ZNF445: variants seen among roughly 807,000 people sequenced by gnomAD.
ZNF445 encodes the protein zinc finger protein 168.
In ZNF445, 19 loss-of-function variants were observed where a neutral mutation model predicts 93.9. The ratio of observed to expected loss-of-function variants is 0.20; its 90% CI spans 0.14 to 0.30. The LOEUF (loss-of-function observed/expected upper bound fraction) is 0.30. ZNF445 is among the 10% of genes least tolerant of loss of function. The probability of loss-of-function intolerance (pLI) is 1.00; values close to 1 mark genes in which losing one functional copy is unlikely to be tolerated. For synonymous variants in ZNF445, 449 were observed against 446.3 expected (o/e 1.01, Z -0.08); for missense variants, 1,058 against 1,259.4 (o/e 0.84, Z 2.42).
At chr3:44,449,364 G>A in intron 7 of ZNF445, 149 bp downstream of exon 7, 1 of 644,036 alleles carries the variant, frequency 1.6e-6, no homozygotes, top group Non-Finnish European at 2.7e-6. Context: ...GGATGGAAGA[G>A]ACCCAGTGGC....
intron 2 of ZNF445, among the ~76,000 whole-genome samples, chr3:44,457,574 T>C (rs894235956): frequency 6.6e-6 from 1 of 152,326 alleles, no homozygotes; most frequent in Admixed American, 6.5e-5. Flanking sequence ...CAATCGATTT[T>C]TGATAAAGAT....
chr3:44,448,365 C>G lies in ZNF445; in HGVS notation c.1306G>C (p.Gly436Arg). 1 of 1,614,206 alleles carries G rather than the reference C, an allele frequency of 6.2e-7. No individual in the cohort carries two copies. Among genetic ancestry groups the G allele is most frequent in the Middle Eastern group, 1.6e-4 (1 of 6,062 alleles). ...AAGCCCCCAATCATGTGTCTGAGCC[C>G]CTTCCCATATTTCTTGTAGTCATAG... Reference protein sequence around the residue: ...HHYDYKKYGKGLRHMIGGFSL... With the variant: ...HHYDYKKYGKRLRHMIGGFSL... Residue 436 changes from glycine (G) to arginine (R), a missense_variant, in exon 8 of 8, where the codon GGG (glycine) becomes CGG (arginine). Coordinates refer to ENST00000396077, the MANE Select transcript of ZNF445 (RefSeq NM_181489.6).
At chr3:44,476,503 G>C (rs1698358457) in intron 1 of ZNF445, among the ~76,000 whole-genome samples, 1 of 151,980 alleles carries the variant, frequency 6.6e-6, no homozygotes, top group African/African-American at 2.4e-5. Flanking sequence ...ACAACACATG[G>C]AGGCTCTCTG....
rs1268997696 is a variant in ZNF445 at position 44,447,188 on chromosome 3, T to A, written c.2483A>T (p.Asn828Ile). Residue 828 changes from asparagine (N) to isoleucine (I), a missense_variant, in exon 8 of 8, where the codon AAT (asparagine) becomes ATT (isoleucine). This residue lies in a region of ZNF445 where 387 missense variants were observed against 475.7 expected (regional missense o/e 0.81). Coordinates refer to ENST00000396077, the MANE Select transcript of ZNF445 (RefSeq NM_181489.6). This position sits in a 1 kb window ranked among gnomAD's most constrained non-coding sequence, Gnocchi z 4.7. ...ACCAGTGAGGATTTTTGGCTCCACA[T>A]TTGGAGTCTTTTCACTTTCATGGCA... ...YDCHESEKTP[N>I]VEPKILTGEK... 4.3e-6 allele frequency: 7 copies of A among 1,614,088 alleles called. No homozygotes were observed.
In ZNF445 at chr3:44,443,956, T is replaced by C. The variant is rs1697845156; in HGVS notation, c.*2619A>G. On this transcript the variant is annotated 3_prime_UTR_variant, in exon 8 of 8. Coordinates refer to ENST00000396077, the MANE Select transcript of ZNF445 (RefSeq NM_181489.6). ...GAGTTTGAGACCAGCATGAGCAACA[T>C]GGGAAAAAAAAATAAAAGTTTTGTC... is the stretch of plus-strand genomic sequence containing the variant. 1 of 150,816 alleles carries C rather than the reference T, an allele frequency of 6.6e-6. No individual in the cohort carries two copies. The highest frequency in any genetic ancestry group is 2.4e-5 in the African/African-American group (1 of 40,948). 9.3% of individuals were successfully genotyped at this position (150,816 alleles called of 1,614,324 possible). A position where few individuals can be genotyped will look rare whatever the true frequency, so the allele number is the denominator to read the frequency against.
At chr3:44,451,060 A>T (rs1196824144) in intron 4 of ZNF445, 98 bp from the exon 5 acceptor site, 1 of 1,112,692 alleles carries the variant, frequency 9.0e-7, no homozygotes, top group Non-Finnish European at 1.3e-6. Context: ...ACCCATGAGC[A>T]GGTACATAAT....
At chr3:44,471,754 G>C (rs1698272787) in intron 1 of ZNF445, among the ~76,000 whole-genome samples, 1 of 152,058 alleles carries the variant, frequency 6.6e-6, no homozygotes, top group African/African-American at 2.4e-5. Flanking sequence ...GGCAAGAAAA[G>C]AGCTACATTA....
At chr3:44,466,035 G>T (rs1698189246) in intron 1 of ZNF445, among the ~76,000 whole-genome samples, 1 of 152,170 alleles carries the variant, frequency 6.6e-6, no homozygotes, top group South Asian at 2.1e-4. Context: ...AATGTTAAAA[G>T]ATAATAAAAG....
chr3:44,458,804 C>G (rs1698067308), intron 1 of ZNF445, among the ~76,000 whole-genome samples: 1 of 152,134 alleles, frequency 6.6e-6, no homozygotes, highest in South Asian at 2.1e-4. Context: ...AATTCTCTGA[C>G]CTATTGTATC....
chr3:44,473,112 A>C lies in ZNF445; in HGVS notation c.-269+4479T>G, dbSNP rs143453766. Among the ~76,000 whole-genome samples the C allele has an allele frequency of 3.8e-3, 573 of 152,186 alleles. 7 individuals carry two copies. Among genetic ancestry groups the C allele is most frequent in the African/African-American group, 0.013 (545 of 41,544 alleles). On this transcript the variant is annotated intron_variant, in intron 1 of 7. Transcript: ENST00000396077. ...TTTCCTACCAGTGTAAGTGTATAGA[A>C]GGTATATAAACTGATATTAAGCAAA...
In ZNF445 at chr3:44,462,935, CT is replaced by C. The variant is rs376789680; in HGVS notation, c.-268-4572del. Among the ~76,000 whole-genome samples the C allele has an allele frequency of 4.8e-3, 703 of 145,722 alleles. 3 individuals carry two copies. The highest frequency in any genetic ancestry group is 0.015 in the Middle Eastern group (4 of 274). ...CAAGCTGTAGGTATATTTAAAAGGCCTTTTTTTTTTCTTCTTGGAACTTGTT... is the reference window on the plus strand; with the variant it reads ...CAAGCTGTAGGTATATTTAAAAGGCCTTTTTTTTTCTTCTTGGAACTTGTT... On this transcript the variant is annotated intron_variant, in intron 1 of 7. Transcript: ENST00000396077.
rs1489448985 is a variant in ZNF445, at chr3:44,445,272, G to C, written c.*1303C>G. On this transcript the variant is annotated 3_prime_UTR_variant, in exon 8 of 8. Coordinates refer to ENST00000396077, the MANE Select transcript of ZNF445 (RefSeq NM_181489.6). ...AAATTCAGAAACGGAGTGGGGAGGA[G>C]TCTGATTTATGGGAACTGGCAGCAA... 6.6e-6 allele frequency: 1 copy of C among 152,316 alleles called. No homozygotes were observed. Among genetic ancestry groups the C allele is most frequent in the South Asian group, 2.1e-4 (1 of 4,840 alleles). The allele number at this position is 152,316 out of a possible 1,614,324, so 9.4% of individuals were successfully genotyped here. A position where few individuals can be genotyped will look rare whatever the true frequency, so the allele number is the denominator to read the frequency against.
rs1231996274 is a variant in ZNF445 at position 44,432,297 on chromosome 3, G to GTT, written c.*14277_*14278insAA. ...TCTGTGTGTGTGTGTGTGTGTGTGT[G>GTT]TGTGTGTGTGTGGATGGAGATAGAG... On this transcript the variant is annotated 3_prime_UTR_variant, in exon 8 of 8. Transcript: ENST00000396077. 1 of 152,402 alleles carries GTT rather than the reference G, an allele frequency of 6.6e-6. No individual in the cohort carries two copies. Among genetic ancestry groups the GTT allele is most frequent in the East Asian group, 1.9e-4 (1 of 5,238 alleles). 9.4% of individuals were successfully genotyped at this position (152,402 alleles called of 1,614,324 possible).
Position 44,446,779 on chromosome 3 carries a change from C to G in ZNF445, c.2892G>C (p.Arg964Ser). 1 of 1,614,150 alleles carries G rather than the reference C, an allele frequency of 6.2e-7. No individual in the cohort carries two copies. The highest frequency in any genetic ancestry group is 8.5e-7 in the Non-Finnish European group (1 of 1,180,032). The part of the protein sequence containing the change: ...DCKEACSQSS[R>S]LTGLQDISIG... ...TGCTTATGTCCTGGAGTCCAGTGAGCCTGGAGCTCTGGCTGCAAGCTTCTT... is the reference window on the plus strand; with the variant it reads ...TGCTTATGTCCTGGAGTCCAGTGAGGCTGGAGCTCTGGCTGCAAGCTTCTT... Residue 964 changes from arginine to serine, a missense_variant, in exon 8 of 8, where the codon AGG becomes AGC. Arg to Ser is a moderately radical substitution (Grantham distance 110, BLOSUM62 -1). Around this residue, in one of 3 missense-constraint regions of ZNF445, gnomAD observed 387 missense variants for 475.7 expected, o/e 0.81. Transcript: ENST00000396077. This position sits in a 1 kb window ranked among gnomAD's most constrained non-coding sequence, Gnocchi z 4.2.
rs528820496 is a variant in ZNF445 at position 44,470,800 on chromosome 3, C to T, written c.-269+6791G>A. ...GAAGCAAAGCAATTGAGTAGCAACT[C>T]GTAGGATTGAAGATGGCAGATGCAC... is the stretch of plus-strand genomic sequence containing the variant. On this transcript the variant is annotated intron_variant, in intron 1 of 7. Transcript: ENST00000396077. 2.0e-5 allele frequency among the ~76,000 whole-genome samples: 3 copies of T among 152,162 alleles called. No homozygotes were observed. In the South Asian group the frequency reaches 6.2e-4, roughly 32 times the overall value.
Position 44,432,548 on chromosome 3 carries a change from C to A in ZNF445, c.*14027G>T, listed in dbSNP as rs1697579810. The A allele has an allele frequency of 6.6e-6, 1 of 152,096 alleles. No homozygotes were observed. The highest frequency in any genetic ancestry group is 6.6e-5 in the Admixed American group (1 of 15,262). 9.4% of individuals were successfully genotyped at this position (152,096 alleles called of 1,614,324 possible). A position where few individuals can be genotyped will look rare whatever the true frequency, so the allele number is the denominator to read the frequency against. ...CTCTTGCCTGAGAGAGAGTCTGGGG[C>A]AGCCAGACTTTATGTTCTCCTCAGG... On this transcript the variant is annotated 3_prime_UTR_variant, in exon 8 of 8. Transcript: ENST00000396077.
chr3:44,460,077 T>C (rs760168897), intron 1 of ZNF445, among the ~76,000 whole-genome samples: 7 of 152,092 alleles, frequency 4.6e-5, no homozygotes, highest in African/African-American at 1.7e-4. Context: ...CCTGGAAAAA[T>C]AGATGCACGG....
In ZNF445 at chr3:44,455,546, G is replaced by C; in HGVS notation, c.4C>G (p.Pro2Ala). ...TAGGCAGCATGCCACCTGCCTGGAG[G>C]CATCACTCCTGTTCAGGGACTAACC... M[P>A]PGRWHAAYPA... The change falls in exon 3 of 8, where the codon CCT becomes GCT. Residue 2 changes from proline (P) to alanine (A), a missense_variant. Physicochemically the swap from Pro to Ala is conservative, Grantham distance 27. Around this residue, in one of 3 missense-constraint regions of ZNF445, gnomAD observed 657 missense variants for 746.4 expected, o/e 0.88. Coordinates refer to ENST00000396077, the MANE Select transcript of ZNF445 (RefSeq NM_181489.6). The C allele has an allele frequency of 6.3e-7, 1 of 1,593,110 alleles. No homozygotes were observed. Among genetic ancestry groups the C allele is most frequent in the Non-Finnish European group, 8.5e-7 (1 of 1,170,092 alleles).
chr3:44,462,977 TTTTTC>T (rs1177925342), intron 1 of ZNF445, among the ~76,000 whole-genome samples: 1 of 151,794 alleles, frequency 6.6e-6, no homozygotes, highest in Non-Finnish European at 1.5e-5. Context: ...GGAAAAAGAT[TTTTTC>T]TTCTCAGTCA....
Sources: allele counts gnomAD v4.1 joint callset (sites outside exome capture counted in the v4.1 genomes callset), GRCh38; gene constraint gnomAD v4.1.1; regional missense constraint gnomAD v4.1.1; non-coding constraint Gnocchi (gnomAD v3.1); transcripts MANE v1.5; gene names NCBI Gene and HGNC (gene_info 2026-07-23, HGNC 2026-07-21).